The following CPSF7 variants were observed in gnomAD, a reference collection of about 807,000 sequenced individuals.
CPSF7 encodes cleavage and polyadenylation specific factor 7.
In CPSF7, 1 loss-of-function variant was observed where a neutral mutation model predicts 44.3. The observed-to-expected ratio is 0.02, with a 90% CI of 0.01 to 0.11. The LOEUF (loss-of-function observed/expected upper bound fraction) is 0.11. Among genes scored for constraint, CPSF7 ranks in the 10% least tolerant of loss-of-function variants. The pLI is 1.00. For synonymous variants in CPSF7, 202 were observed against 222.0 expected (o/e 0.91, Z 0.80); for missense variants, 443 against 607.2 (o/e 0.73, Z 2.84).
At chr11:61,416,562 A>G in intron 5 of CPSF7, 43 bp from the exon 6 acceptor site, 1 of 1,591,814 alleles carries the variant, frequency 6.3e-7, no homozygotes, top group East Asian at 2.2e-5. Context: ...CAGGCTTTAC[A>G]CAAACCCACA....
chr11:61,422,803 A>G (rs941684536), intron 2 of CPSF7, among the ~76,000 whole-genome samples: 6 of 152,148 alleles, frequency 3.9e-5, no homozygotes, highest in African/African-American at 1.4e-4. Flanking sequence ...CCCTAAAACT[A>G]CAACTACTAC....
At chr11:61,423,829 G>A (rs190735233) in intron 2 of CPSF7, among the ~76,000 whole-genome samples, 144 of 152,240 alleles carry the variant, frequency 9.5e-4, no homozygotes, top group Middle Eastern at 6.8e-3. Flanking sequence ...TGTATTATAA[G>A]AACCTTTGGA....
intron 5 of CPSF7, among the ~76,000 whole-genome samples, chr11:61,419,184 C>T (rs144238541): frequency 0.013 from 1,968 of 151,632 alleles, 25 homozygotes; most frequent in Non-Finnish European, 0.02. Flanking sequence ...CACCCACACC[C>T]GGCTAATTTT....
chr11:61,418,449 A>G (rs1013135128), intron 5 of CPSF7, among the ~76,000 whole-genome samples: 9 of 152,186 alleles, frequency 5.9e-5, no homozygotes, highest in South Asian at 2.1e-4. Flanking sequence ...ACTAGGCCCT[A>G]GGAGACTGAT....
intron 8 of CPSF7, 98 bp from the exon 9 acceptor site, chr11:61,411,203 C>G: frequency 8.3e-7 from 1 of 1,208,034 alleles, no homozygotes; most frequent in Non-Finnish European, 1.1e-6. Context: ...TAAACTATTC[C>G]TCTATTACTC....
At chr11:61,421,198 A>T in intron 3 of CPSF7, 192 bp downstream of exon 3, 3 of 1,136,572 alleles carry the variant, frequency 2.6e-6, no homozygotes, top group Non-Finnish European at 3.8e-6. Flanking sequence ...CCACTTAATC[A>T]TTGCTTTCTT....
chr11:61,421,259 T>C (rs960852110), intron 3 of CPSF7, 131 bp downstream of exon 3: 2 of 1,029,790 alleles, frequency 1.9e-6, no homozygotes, highest in Middle Eastern at 2.0e-4. Context: ...CAATCCAACC[T>C]GATCCCAGGA....
Position 61,416,184 on chromosome 11 carries a change from A to G in CPSF7, c.859T>C (p.Phe287Leu), listed in dbSNP as rs1161093871. The G allele has an allele frequency of 1.3e-6, 2 of 1,519,956 alleles. No individual in the cohort carries two copies. Among genetic ancestry groups the G allele is most frequent in the South Asian group, 1.3e-5 (1 of 75,234 alleles). 94.2% of individuals were successfully genotyped at this position (1,519,956 alleles called of 1,614,324 possible). A position where few individuals can be genotyped will look rare whatever the true frequency, so the allele number is the denominator to read the frequency against. Residue 287 changes from phenylalanine to leucine, a missense_variant, in exon 6 of 10, where the codon TTC becomes CTC. Coordinates refer to ENST00000439958, the MANE Select transcript of CPSF7 (RefSeq NM_001142565.3). Reference sequence around the variant, plus strand: ...CCCACTGTAGCGTTTGGTGGGGGGAAGAAGGCTGGATTGAGGTGAAGGGCA... The same window carrying G: ...CCCACTGTAGCGTTTGGTGGGGGGAGGAAGGCTGGATTGAGGTGAAGGGCA... ...PPALHLNPAF[F>L]PPPNATVGPP...
At chr11:61,406,302 T>C (rs1056007577) in intron 9 of CPSF7, 1 of 152,228 alleles carries the variant, frequency 6.6e-6, no homozygotes, top group Non-Finnish European at 1.5e-5. Flanking sequence ...GTTCTATTGC[T>C]GCCTCTGGAC....
chr11:61,416,120 T>C lies in CPSF7; in HGVS notation c.923A>G (p.Tyr308Cys), dbSNP rs1565107289. 3.3e-6 allele frequency: 5 copies of C among 1,502,480 alleles called. No homozygotes were observed. The highest frequency in any genetic ancestry group is 2.4e-5 in the Admixed American group (1 of 41,798). 93.1% of individuals were successfully genotyped at this position (1,502,480 alleles called of 1,614,324 possible). The change falls in exon 6 of 10, where the codon TAT (tyrosine) becomes TGT (cysteine). Residue 308 changes from tyrosine to cysteine, a missense_variant. Tyr to Cys is a radical substitution (Grantham distance 194). Transcript: ENST00000439958. ...PDTYMKASAP[Y>C]NHHGSRDSGP... ...TAGTCCTTACCTGCCATGGTGGTTA[T>C]AGGGGGCAGAGGCCTTCATGTAAGT...
In CPSF7 at chr11:61,429,520, C is replaced by A. The variant is rs1016854258; in HGVS notation, c.-55-230G>T. Reference sequence around the variant, plus strand: ...CGACCCGGGTAGCGCCGCGTCTGCGCCGCAGCTGCCTATGGCGCGACGGAA... The same window carrying A: ...CGACCCGGGTAGCGCCGCGTCTGCGACGCAGCTGCCTATGGCGCGACGGAA... On this transcript the variant is annotated intron_variant, in intron 1 of 9. Transcript: ENST00000439958. 7.4e-6 allele frequency: 4 copies of A among 542,116 alleles called. No individual in the cohort carries two copies. In the African/African-American group the frequency reaches 8.1e-5, roughly 11 times the overall value. 33.6% of individuals were successfully genotyped at this position (542,116 alleles called of 1,614,324 possible).
intron 2 of CPSF7, 102 bp from the exon 3 acceptor site, chr11:61,421,710 T>C: frequency 7.3e-6 from 6 of 819,748 alleles, no homozygotes; most frequent in South Asian, 3.4e-5. Context: ...TGGTAAAACA[T>C]GTACAAAACT....
Position 61,429,898 on chromosome 11 carries a change from C to A in CPSF7, c.-56+16G>T, listed in dbSNP as rs574728345. ...TCTTCCGGCCCAACCTGCCCCCGAC[C>A]GCGCGCCCCCGTTACCGGGAATATG... On this transcript the variant is annotated intron_variant, in intron 1 of 9. Coordinates refer to ENST00000439958, the MANE Select transcript of CPSF7 (RefSeq NM_001142565.3). 2 of 1,509,346 alleles carry A rather than the reference C, an allele frequency of 1.3e-6. No individual in the cohort carries two copies. The highest frequency in any genetic ancestry group is 5.1e-5 in the East Asian group (2 of 39,166). The allele number at this position is 1,509,346 out of a possible 1,614,324, so 93.5% of individuals were successfully genotyped here. A position where few individuals can be genotyped will look rare whatever the true frequency, so the allele number is the denominator to read the frequency against.
At chr11:61,409,819 G>GA (rs2135266590) in intron 9 of CPSF7, among the ~76,000 whole-genome samples, 1 of 151,890 alleles carries the variant, frequency 6.6e-6, no homozygotes, top group Non-Finnish European at 1.5e-5. Flanking sequence ...ACTAAAAACA[G>GA]AAAAATTAGC....
chr11:61,421,378 A>G lies in CPSF7; in HGVS notation c.273+12T>C, dbSNP rs1590719998. 1 of 1,611,818 alleles carries G rather than the reference A, an allele frequency of 6.2e-7. No individual in the cohort carries two copies. Among genetic ancestry groups the G allele is most frequent in the Non-Finnish European group, 8.5e-7 (1 of 1,178,080 alleles). On this transcript the variant is annotated intron_variant, in intron 3 of 9. Transcript: ENST00000439958. Reference sequence around the variant, plus strand: ...AGCCCACCCCTAAGCATTTTTGGTTACCCACACTCACCCAGGAGAAGCTGC... The same window carrying G: ...AGCCCACCCCTAAGCATTTTTGGTTGCCCACACTCACCCAGGAGAAGCTGC...
chr11:61,413,964 A>G (rs560006824), intron 7 of CPSF7, among the ~76,000 whole-genome samples: 6 of 152,218 alleles, frequency 3.9e-5, no homozygotes, highest in Non-Finnish European at 7.4e-5. Context: ...AGTATCTTCA[A>G]TAAGTATTTG....
chr11:61,421,812 G>A (rs1467709874), intron 2 of CPSF7, among the ~76,000 whole-genome samples: 1 of 152,040 alleles, frequency 6.6e-6, no homozygotes, highest in African/African-American at 2.4e-5. Context: ...TTCCCCTCAA[G>A]ATTCTGTTAA....
chr11:61,423,903 A>C (rs1018925142), intron 2 of CPSF7, among the ~76,000 whole-genome samples: 19 of 152,266 alleles, frequency 1.2e-4, no homozygotes, highest in Admixed American at 2.0e-4. Context: ...CTAAGAGAAT[A>C]ATCTTGGGTT....
In CPSF7 at chr11:61,404,436, G is replaced by C. The variant is rs184197212; in HGVS notation, c.*274C>G. The C allele has an allele frequency of 2.6e-5, 4 of 152,608 alleles. No homozygotes were observed. The highest frequency in any genetic ancestry group is 9.7e-5 in the African/African-American group (4 of 41,408). The allele number at this position is 152,608 out of a possible 1,614,324, so 9.5% of individuals were successfully genotyped here. On this transcript the variant is annotated 3_prime_UTR_variant, in exon 10 of 10. Transcript: ENST00000439958. The stretch of plus-strand genomic sequence containing the variant: ...AAAGCACCATTCTCTATGGAGACCA[G>C]GGGCCTGGACATGTTTTCTTCCTGT...
Sources: allele counts gnomAD v4.1 joint callset (sites outside exome capture counted in the v4.1 genomes callset), GRCh38; gene constraint gnomAD v4.1.1; transcripts MANE v1.5; gene names NCBI Gene and HGNC (gene_info 2026-07-23, HGNC 2026-07-21).